The following NCS1 variants were observed in gnomAD, a reference collection of about 807,000 sequenced individuals.
The protein encoded by NCS1 is frequenin homolog.
A neutral mutation model predicts 28.4 loss-of-function variants in NCS1; 6 were observed. That is an observed-to-expected ratio of 0.21 (90% CI 0.12 to 0.42). The LOEUF is 0.42. Among genes scored for constraint, NCS1 ranks in the 10% least tolerant of loss-of-function variants. The probability of loss-of-function intolerance (pLI) is 1.00; values close to 1 mark genes in which losing one functional copy is unlikely to be tolerated. For missense variants in NCS1, 131 were observed against 241.4 expected (o/e 0.54, Z 3.03); for synonymous variants, 86 against 99.3 (o/e 0.87, Z 0.79).
At chr9:130,195,339 C>T (rs1226107775) in intron 1 of NCS1, among the ~76,000 whole-genome samples, 2 of 152,218 alleles carry the variant, frequency 1.3e-5, no homozygotes, top group African/African-American at 4.8e-5. Context: ...GTCGTGGAAC[C>T]CATGGGAAGA....
At chr9:130,216,790 C>T (rs1481288169) in intron 2 of NCS1, among the ~76,000 whole-genome samples, 1 of 151,496 alleles carries the variant, frequency 6.6e-6, no homozygotes, top group Non-Finnish European at 1.5e-5. Context: ...GTAAGGTGTG[C>T]AGAGTTCCCA....
chr9:130,226,249 G>A lies in NCS1; in HGVS notation c.475-140G>A. 1.4e-6 allele frequency: 1 copy of A among 714,372 alleles called. No individual in the cohort carries two copies. The highest frequency in any genetic ancestry group is 2.5e-6 in the Non-Finnish European group (1 of 400,660). 44.3% of individuals were successfully genotyped at this position (714,372 alleles called of 1,614,324 possible). A position where few individuals can be genotyped will look rare whatever the true frequency, so the allele number is the denominator to read the frequency against. On this transcript the variant is annotated intron_variant, in intron 6 of 7. Coordinates refer to ENST00000372398, the MANE Select transcript of NCS1 (RefSeq NM_014286.4). The surrounding 1 kb of genome is among the most constrained non-coding windows in gnomAD (Gnocchi z 4.8). ...GAGTGCCGAGGTCTGTCTGGTGCTG[G>A]CTGCTTGTAGGCCCTGAGCCACGTT...
At chr9:130,190,037 A>AGG (rs1832797544) in intron 1 of NCS1, among the ~76,000 whole-genome samples, 1 of 132,536 alleles carries the variant, frequency 7.5e-6, no homozygotes, top group East Asian at 2.0e-4. Flanking sequence ...TATGCAAGAG[A>AGG]GAGAGAGAGA....
At chr9:130,214,606 T>G (rs1588121612) in intron 2 of NCS1, among the ~76,000 whole-genome samples, 5 of 149,210 alleles carry the variant, frequency 3.4e-5, no homozygotes, top group Admixed American at 6.7e-5. Context: ...ATCGTGGGGG[T>G]GGGGATTCTG....
At chr9:130,211,834 A>G (rs1169230167) in intron 2 of NCS1, among the ~76,000 whole-genome samples, 1 of 152,184 alleles carries the variant, frequency 6.6e-6, no homozygotes, top group African/African-American at 2.4e-5. Flanking sequence ...TCACTGCACA[A>G]GTCACTCAAA....
chr9:130,228,861 G>T (rs1554911765), intron 7 of NCS1, among the ~76,000 whole-genome samples: 2 of 150,494 alleles, frequency 1.3e-5, no homozygotes. Context: ...GTAAAGATGG[G>T]GTTTCACCAT....
At chr9:130,182,143 C>T (rs998448184) in intron 1 of NCS1, among the ~76,000 whole-genome samples, 2 of 152,102 alleles carry the variant, frequency 1.3e-5, no homozygotes, top group Admixed American at 6.5e-5. Flanking sequence ...TCCCCAAAGC[C>T]CTGGGAGTAG....
chr9:130,192,565 G>A lies in NCS1; in HGVS notation c.65-8393G>A, dbSNP rs1277170324. Among the ~76,000 whole-genome samples the A allele has an allele frequency of 3.9e-5, 6 of 152,272 alleles. No homozygotes were observed. In the East Asian group the frequency reaches 1.2e-3, roughly 29 times the overall value. The stretch of plus-strand genomic sequence containing the variant: ...TCTCAGGAGTTGACCTCTTTCGTGG[G>A]ACAGAGAGGGGAGGGTGCGTGGCCA... On this transcript the variant is annotated intron_variant, in intron 1 of 7. Transcript: ENST00000372398. The surrounding 1 kb of genome is among the most constrained non-coding windows in gnomAD (Gnocchi z 4.8).
chr9:130,216,811 G>T (rs929834968), intron 2 of NCS1, among the ~76,000 whole-genome samples: 1 of 150,974 alleles, frequency 6.6e-6, no homozygotes, highest in Non-Finnish European at 1.5e-5. Context: ...GTCGCGTCAG[G>T]CCCTGCAAAG....
intron 1 of NCS1, among the ~76,000 whole-genome samples, chr9:130,179,622 C>G (rs1832626874): frequency 1.3e-5 from 2 of 152,206 alleles, no homozygotes; most frequent in Admixed American, 1.3e-4. Flanking sequence ...TTCCAGTTTA[C>G]ATTTTCAGCA....
intron 1 of NCS1, among the ~76,000 whole-genome samples, chr9:130,176,309 C>T (rs1264792544): frequency 2.0e-5 from 3 of 151,404 alleles, no homozygotes; most frequent in Admixed American, 6.6e-5. Flanking sequence ...CCTCCTGCCT[C>T]AGCCTCCCCA....
Position 130,215,189 on chromosome 9 carries a change from C to T in NCS1, c.90-2643C>T, listed in dbSNP as rs1157174682. On this transcript the variant is annotated intron_variant, in intron 2 of 7. Coordinates refer to ENST00000372398, the MANE Select transcript of NCS1 (RefSeq NM_014286.4). This position sits in a 1 kb window ranked among gnomAD's most constrained non-coding sequence, Gnocchi z 4.2. ...TGTGCCCCCACATGGGTCATTAAGTCCTGGTGCCAGGCATGTTCCCTCCTC... is the reference window on the plus strand; with the variant it reads ...TGTGCCCCCACATGGGTCATTAAGTTCTGGTGCCAGGCATGTTCCCTCCTC... 6.6e-6 allele frequency among the ~76,000 whole-genome samples: 1 copy of T among 152,180 alleles called. No homozygotes were observed. The highest frequency in any genetic ancestry group is 2.4e-5 in the African/African-American group (1 of 41,442).
At position 130,233,797 on chromosome 9, in the gene NCS1, A is replaced by T. The variant is rs73670524; in HGVS notation, c.*825A>T. The T allele has an allele frequency of 0.018, 2,655 of 148,292 alleles. 63 individuals are homozygous for T. Among genetic ancestry groups the T allele is most frequent in the African/African-American group, 0.059 (2,386 of 40,488 alleles). 9.2% of individuals were successfully genotyped at this position (148,292 alleles called of 1,614,324 possible). A position where few individuals can be genotyped will look rare whatever the true frequency, so the allele number is the denominator to read the frequency against. On this transcript the variant is annotated 3_prime_UTR_variant, in exon 8 of 8. Coordinates refer to ENST00000372398, the MANE Select transcript of NCS1 (RefSeq NM_014286.4). The surrounding 1 kb of genome is among the most constrained non-coding windows in gnomAD (Gnocchi z 4.8). The stretch of plus-strand genomic sequence containing the variant: ...TGCAGCGGCCAAGAAGCCAAAAAAA[A>T]TTTTTTTTTTTTCAGATACTGTGCT...
In NCS1 at chr9:130,236,166, G is replaced by T. The variant is rs1384039195; in HGVS notation, c.*3194G>T. 6.6e-6 allele frequency: 1 copy of T among 152,210 alleles called. No individual in the cohort carries two copies. The highest frequency in any genetic ancestry group is 2.4e-5 in the African/African-American group (1 of 41,446). 9.4% of individuals were successfully genotyped at this position (152,210 alleles called of 1,614,324 possible). Reference sequence around the variant, plus strand: ...AGGAACTTTGTGTTTTTTCGGAGGGGGTTGGTGGGGAGGTCGGGATGCCTG... The same window carrying T: ...AGGAACTTTGTGTTTTTTCGGAGGGTGTTGGTGGGGAGGTCGGGATGCCTG... On this transcript the variant is annotated 3_prime_UTR_variant, in exon 8 of 8. Coordinates refer to ENST00000372398, the MANE Select transcript of NCS1 (RefSeq NM_014286.4).
intron 1 of NCS1, among the ~76,000 whole-genome samples, chr9:130,179,993 TTTTA>T (rs1244844210): frequency 2.9e-5 from 4 of 139,478 alleles, no homozygotes; most frequent in Non-Finnish European, 6.1e-5. Flanking sequence ...CTTGCCTTCT[TTTTA>T]TCTATCTATC....
At chr9:130,227,957 G>A (rs986312594) in intron 7 of NCS1, among the ~76,000 whole-genome samples, 7 of 152,140 alleles carry the variant, frequency 4.6e-5, no homozygotes, top group Non-Finnish European at 1.0e-4. Context: ...CCAGGGCTGT[G>A]GTCTCATCTG....
intron 1 of NCS1, among the ~76,000 whole-genome samples, chr9:130,197,789 C>G (rs1169423708): frequency 2.0e-5 from 3 of 152,250 alleles, no homozygotes; most frequent in African/African-American, 7.2e-5. Flanking sequence ...ATGTGAAACC[C>G]TGTCTCTACC....
chr9:130,198,050 T>TA (rs1288761401), intron 1 of NCS1, among the ~76,000 whole-genome samples: 3 of 151,536 alleles, frequency 2.0e-5, no homozygotes, highest in Non-Finnish European at 4.4e-5. Flanking sequence ...TGCCAGGGGA[T>TA]ACCTGCCAGC....
Position 130,209,312 on chromosome 9 carries a change from T to C in NCS1, c.89+8330T>C, listed in dbSNP as rs185492835. 6.6e-6 allele frequency among the ~76,000 whole-genome samples: 1 copy of C among 152,094 alleles called. No individual in the cohort carries two copies. The highest frequency in any genetic ancestry group is 1.5e-5 in the Non-Finnish European group (1 of 68,016). On this transcript the variant is annotated intron_variant, in intron 2 of 7. Transcript: ENST00000372398. The surrounding 1 kb of genome is among the most constrained non-coding windows in gnomAD (Gnocchi z 4.4). The stretch of plus-strand genomic sequence containing the variant: ...CCTCCCAGCAGGATCCCAGAGGACA[T>C]GAGTCTGCAGGAACTGAGAGTGGCA...
Sources: allele counts gnomAD v4.1 joint callset (sites outside exome capture counted in the v4.1 genomes callset), GRCh38; gene constraint gnomAD v4.1.1; non-coding constraint Gnocchi (gnomAD v3.1); transcripts MANE v1.5; gene names NCBI Gene and HGNC (gene_info 2026-07-23, HGNC 2026-07-21).